The following TENM2 variants were observed in gnomAD, a reference collection of about 807,000 sequenced individuals.
TENM2 encodes the protein teneurin-2.
Under a neutral mutation model 245.2 loss-of-function variants are expected in TENM2, and 52 were observed. That is an observed-to-expected ratio of 0.21 (90% CI 0.17 to 0.27). TENM2 has a LOEUF of 0.27. Among genes scored for constraint, TENM2 ranks in the 10% least tolerant of loss-of-function variants. The probability of loss-of-function intolerance (pLI) is 1.00; values close to 1 mark genes in which losing one functional copy is unlikely to be tolerated. For missense variants in TENM2, 3,046 were observed against 3,666.8 expected, an observed-to-expected ratio of 0.83 and a Z score of 4.37; for synonymous variants, 1,363 against 1,438.9, an observed-to-expected ratio of 0.95 and a Z score of 1.19.
intron 2 of TENM2, among the ~76,000 whole-genome samples, chr5:167,657,586 C>T (rs1302979294): frequency 1.3e-5 from 2 of 152,148 alleles, no homozygotes; most frequent in Non-Finnish European, 2.9e-5. Flanking sequence ...GCTATTGAAG[C>T]ATAAAGCTTA....
chr5:168,022,467 T>A (rs1383764669), intron 5 of TENM2, among the ~76,000 whole-genome samples: 1 of 152,242 alleles, frequency 6.6e-6, no homozygotes, highest in Non-Finnish European at 1.5e-5. Context: ...TATGTTTTCA[T>A]TGTCTAGCCA....
the TENM2 span, among the ~76,000 whole-genome samples, chr5:167,071,919 G>A: frequency 7.5e-6 from 1 of 132,996 alleles, no homozygotes; most frequent in Non-Finnish European, 1.6e-5. Context: ...GGAAAATCAG[G>A]ATGCTAGCAC....
the TENM2 span, among the ~76,000 whole-genome samples, chr5:167,078,484 A>AAACAAC: frequency 0.058 from 3,167 of 54,768 alleles, 72 homozygotes; most frequent in African/African-American, 0.22. Flanking sequence ...ACTCTGTCTC[A>AAACAAC]AACAACAACA....
chr5:167,739,237 CT>C (rs1761006975), intron 2 of TENM2, among the ~76,000 whole-genome samples: 1 of 152,124 alleles, frequency 6.6e-6, no homozygotes, highest in Non-Finnish European at 1.5e-5. Flanking sequence ...TAGTCTATTT[CT>C]ATTTCTGGGC....
chr5:167,348,320 A>C (rs1758602263), intron 1 of TENM2, among the ~76,000 whole-genome samples: 1 of 152,214 alleles, frequency 6.6e-6, no homozygotes, highest in African/African-American at 2.4e-5. Context: ...AGTAGTAATC[A>C]TTCACTTAAG....
At chr5:167,140,323 TTATTTAAAAA>T in the TENM2 span, among the ~76,000 whole-genome samples, 2 of 152,190 alleles carry the variant, frequency 1.3e-5, no homozygotes, top group African/African-American at 4.8e-5. Context: ...ATTCTTTCAG[TTATTTAAAAA>T]TTAAGTTCTT....
intron 2 of TENM2, among the ~76,000 whole-genome samples, chr5:167,787,509 C>T (rs1254652578): frequency 6.6e-6 from 1 of 152,184 alleles, no homozygotes; most frequent in Non-Finnish European, 1.5e-5. Flanking sequence ...ATCATGCTTT[C>T]CCTTCTCACT....
At chr5:167,532,824 G>GTATATA (rs1470026065) in intron 2 of TENM2, among the ~76,000 whole-genome samples, 9 of 96,696 alleles carry the variant, frequency 9.3e-5, no homozygotes, top group Admixed American at 4.2e-4. Flanking sequence ...GTGTGTGTGT[G>GTATATA]TGTATATATA....
chr5:167,375,482 G>C lies in TENM2; in HGVS notation c.502+9G>C. On this transcript the variant is annotated intron_variant, in intron 2 of 28. Transcript: ENST00000518659. ...ATCAGATGATGAGAACGGTAGGCCT[G>C]CTTCTTAAATACCTTTTAACGTTCT... is the stretch of plus-strand genomic sequence containing the variant. The C allele has an allele frequency of 6.4e-7, 1 of 1,551,228 alleles. No homozygotes were observed. Among genetic ancestry groups the C allele is most frequent in the Non-Finnish European group, 8.7e-7 (1 of 1,146,824 alleles).
chr5:167,525,596 T>G (rs1167084498), intron 2 of TENM2, among the ~76,000 whole-genome samples: 1 of 152,164 alleles, frequency 6.6e-6, no homozygotes, highest in Non-Finnish European at 1.5e-5. Context: ...GAAGACACTC[T>G]GGGTATCGCT....
At chr5:168,163,682 C>T (rs546241809) in intron 13 of TENM2, among the ~76,000 whole-genome samples, 54 of 152,318 alleles carry the variant, frequency 3.5e-4, no homozygotes, top group Non-Finnish European at 4.6e-4. Flanking sequence ...GAAATAAACT[C>T]TCCCAGGTAC....
chr5:167,938,572 C>T (rs1778916651), intron 3 of TENM2: 1 of 152,148 alleles, frequency 6.6e-6, no homozygotes, highest in Admixed American at 6.6e-5. Flanking sequence ...TTCGTCAAGG[C>T]CAGGAACTCT....
rs535608225 is a variant in TENM2 at position 167,942,130 on chromosome 5, C to T, written c.713-10458C>T. 3.9e-5 allele frequency among the ~76,000 whole-genome samples: 6 copies of T among 152,170 alleles called. No homozygotes were observed. In the East Asian group the frequency reaches 1.2e-3, roughly 29 times the overall value. ...GGCTGAGGCAGGAGAATCGCATGAA[C>T]CTGGGAGGCAGAGGTTGCAGTAAGC... On this transcript the variant is annotated intron_variant, in intron 3 of 28. Transcript: ENST00000518659.
intron 27 of TENM2, among the ~76,000 whole-genome samples, chr5:168,250,083 G>C (rs1267618607): frequency 6.6e-6 from 1 of 151,966 alleles, no homozygotes; most frequent in East Asian, 1.9e-4. Flanking sequence ...TGGCTGACTG[G>C]ATGGCTGGCT....
At chr5:167,476,312 A>C (rs1020273303) in intron 2 of TENM2, among the ~76,000 whole-genome samples, 1 of 152,166 alleles carries the variant, frequency 6.6e-6, no homozygotes, top group Non-Finnish European at 1.5e-5. Flanking sequence ...TTGCAGTTTC[A>C]ATGGTCTTTT....
chr5:167,924,073 C>A (rs1320986044), intron 3 of TENM2, among the ~76,000 whole-genome samples: 1 of 152,106 alleles, frequency 6.6e-6, no homozygotes, highest in Admixed American at 6.6e-5. Context: ...CTCCTTATTT[C>A]TGTTTTCTTA....
intron 2 of TENM2, among the ~76,000 whole-genome samples, chr5:167,607,357 T>C (rs1420772453): frequency 6.6e-6 from 1 of 152,172 alleles, no homozygotes; most frequent in Admixed American, 6.5e-5. Context: ...GAATCCAAAA[T>C]CCAGGCTTTT....
the TENM2 span, among the ~76,000 whole-genome samples, chr5:167,019,994 A>G: frequency 0.013 from 2,017 of 152,278 alleles, 35 homozygotes; most frequent in South Asian, 0.07. Context: ...AGGTAGAATA[A>G]TAAAATCTGG....
In TENM2 at chr5:168,216,938, AT is replaced by A; in HGVS notation, c.4233+19del. Reference sequence around the variant, plus strand: ...TGTAGCCCAGGTGAGACTCTTTCTTATTTCTCTTCACTAAGCAACACCTGCC... The same window carrying A: ...TGTAGCCCAGGTGAGACTCTTTCTTATTCTCTTCACTAAGCAACACCTGCC... On this transcript the variant is annotated intron_variant, in intron 22 of 28. Coordinates refer to ENST00000518659, the Ensembl canonical transcript of TENM2. 6.2e-7 allele frequency: 1 copy of A among 1,612,756 alleles called. No homozygotes were observed. The highest frequency in any genetic ancestry group is 8.5e-7 in the Non-Finnish European group (1 of 1,179,560).
Sources: gnomAD v4.1 joint callset for allele counts (sites outside exome capture counted in the v4.1 genomes callset) on GRCh38, gnomAD v4.1.1 for gene constraint, MANE v1.5 for transcripts, NCBI Gene and HGNC (gene_info 2026-07-23, HGNC 2026-07-21) for gene names.